ZNF736: variants seen among roughly 807,000 people sequenced by gnomAD.
ZNF736 encodes KRAB-containing zinc-finger repressor protein.
Under a neutral mutation model 11.7 loss-of-function variants are expected in ZNF736, and 6 were observed. The ratio of observed to expected loss-of-function variants is 0.51; its 90% CI spans 0.28 to 1.01. ZNF736 has a LOEUF of 1.01. Among genes scored for constraint, ZNF736 ranks in the 50% least tolerant of loss-of-function variants. The pLI is 0.09. For synonymous variants in ZNF736, 139 were observed against 164.7 expected, an observed-to-expected ratio of 0.84 and a Z score of 1.19; for missense variants, 444 against 496.0, an observed-to-expected ratio of 0.90 and a Z score of 1.00.
intron 1 of ZNF736, among the ~76,000 whole-genome samples, chr7:64,329,603 A>G (rs1217967779): frequency 2.0e-5 from 3 of 151,994 alleles, no homozygotes; most frequent in African/African-American, 7.3e-5. Context: ...CATTCTGCCA[A>G]ATAAATGGAA....
intron 1 of ZNF736, among the ~76,000 whole-genome samples, chr7:64,329,878 C>A (rs1436779764): frequency 3.9e-5 from 6 of 152,324 alleles, no homozygotes; most frequent in African/African-American, 4.8e-5. Flanking sequence ...AGCAAAATGC[C>A]TTTGGTAGCA....
intron 1 of ZNF736, among the ~76,000 whole-genome samples, chr7:64,314,870 G>A (rs1433931878): frequency 6.6e-6 from 1 of 152,168 alleles, no homozygotes; most frequent in Non-Finnish European, 1.5e-5. Flanking sequence ...CACCACCCTA[G>A]CCTAAATTGA....
intron 3 of ZNF736, among the ~76,000 whole-genome samples, chr7:64,343,159 C>T (rs1789361945): frequency 6.6e-6 from 1 of 152,160 alleles, no homozygotes; most frequent in Non-Finnish European, 1.5e-5. Context: ...CATGAAATCA[C>T]TCTAGTTGCC....
chr7:64,329,168 T>C (rs1464418573), intron 1 of ZNF736, among the ~76,000 whole-genome samples: 2 of 152,012 alleles, frequency 1.3e-5, no homozygotes, highest in African/African-American at 4.8e-5. Context: ...TCTTTTTTTT[T>C]TGTTATTTTG....
intron 1 of ZNF736, among the ~76,000 whole-genome samples, chr7:64,319,539 A>T: frequency 9.2e-6 from 1 of 109,002 alleles, no homozygotes; most frequent in Non-Finnish European, 1.7e-5. Flanking sequence ...TCTGTTGCCC[A>T]GACTGGAGTG....
chr7:64,344,359 T>A (rs1789380809), intron 3 of ZNF736, among the ~76,000 whole-genome samples: 1 of 152,216 alleles, frequency 6.6e-6, no homozygotes, highest in South Asian at 2.1e-4. Flanking sequence ...ATAGTTCAGC[T>A]TTGTTAAGTA....
At chr7:64,336,559 T>C (rs957883753) in intron 2 of ZNF736, among the ~76,000 whole-genome samples, 174 bp downstream of exon 2, 2 of 152,180 alleles carry the variant, frequency 1.3e-5, no homozygotes, top group African/African-American at 4.8e-5. Flanking sequence ...CATCTTAACA[T>C]TAATCTTTCC....
chr7:64,354,415 A>G lies in ZNF736; in HGVS notation c.*5268A>G, dbSNP rs1238687856. On this transcript the variant is annotated 3_prime_UTR_variant, in exon 4 of 4. Transcript: ENST00000423484. The stretch of plus-strand genomic sequence containing the variant: ...AAGAAAAATATTAGAATGAACAGAT[A>G]ATTTTACAAGTGTTGATCACTTACC... 4 of 152,326 alleles carry G rather than the reference A, an allele frequency of 2.6e-5. No individual in the cohort carries two copies. The highest frequency in any genetic ancestry group is 2.1e-4 in the South Asian group (1 of 4,828). The allele number at this position is 152,326 out of a possible 1,614,324, so 9.4% of individuals were successfully genotyped here.
chr7:64,314,286 G>C (rs1377390307), intron 1 of ZNF736, 133 bp downstream of exon 1: 4 of 1,171,572 alleles, frequency 3.4e-6, no homozygotes, highest in Non-Finnish European at 3.6e-6. Flanking sequence ...CGCGGGCACA[G>C]CTCAATCCTC....
rs1789467353 is a variant in ZNF736 at position 64,350,200 on chromosome 7, A to G, written c.*1053A>G. On this transcript the variant is annotated 3_prime_UTR_variant, in exon 4 of 4. Coordinates refer to ENST00000423484, the MANE Select transcript of ZNF736 (RefSeq NM_001170905.3). ...TCACTTTCAGGCAATCTCTTGCATCATAGATTTGGTTTCTTTACATAATCC... is the reference window on the plus strand; with the variant it reads ...TCACTTTCAGGCAATCTCTTGCATCGTAGATTTGGTTTCTTTACATAATCC... 1 of 152,112 alleles carries G rather than the reference A, an allele frequency of 6.6e-6. No individual in the cohort carries two copies. The highest frequency in any genetic ancestry group is 2.4e-5 in the African/African-American group (1 of 41,424). 9.4% of individuals were successfully genotyped at this position (152,112 alleles called of 1,614,324 possible). A position where few individuals can be genotyped will look rare whatever the true frequency, so the allele number is the denominator to read the frequency against.
chr7:64,322,454 G>A (rs1404609942), intron 1 of ZNF736, among the ~76,000 whole-genome samples: 1 of 152,034 alleles, frequency 6.6e-6, no homozygotes, highest in Non-Finnish European at 1.5e-5. Flanking sequence ...AATCATGTTT[G>A]ATAATGCTAT....
rs771793066 is a variant in ZNF736 at position 64,348,486 on chromosome 7, A to G, written c.623A>G (p.Lys208Arg). The G allele has an allele frequency of 3.2e-6, 5 of 1,557,468 alleles. No individual in the cohort carries two copies. Among genetic ancestry groups the G allele is most frequent in the Non-Finnish European group, 3.5e-6 (4 of 1,151,140 alleles). Residue 208 changes from lysine (K) to arginine (R), a missense_variant, in exon 4 of 4, where the codon AAA becomes AGA. Physicochemically the swap from Lys to Arg is conservative, Grantham distance 26. Coordinates refer to ENST00000423484, the MANE Select transcript of ZNF736 (RefSeq NM_001170905.3). ...TGCTACAAATGTGAAGAATGTGGCA[A>G]AGCGTTTAAAAAGTTTTCAAACCTT... The part of the protein sequence containing the change: ...ERCYKCEECG[K>R]AFKKFSNLTE...
chr7:64,344,029 A>AT (rs1197896422), intron 3 of ZNF736, among the ~76,000 whole-genome samples: 1 of 151,908 alleles, frequency 6.6e-6, no homozygotes, highest in Non-Finnish European at 1.5e-5. Context: ...AGGGCCGAGC[A>AT]TGGTGGCTCA....
At chr7:64,329,280 G>C (rs1030890456) in intron 1 of ZNF736, among the ~76,000 whole-genome samples, 18 of 152,026 alleles carry the variant, frequency 1.2e-4, no homozygotes, top group African/African-American at 4.3e-4. Context: ...ATGAGGTTGT[G>C]TTTTCCTGAA....
intron 3 of ZNF736, chr7:64,337,194 GTGTGTGTGT>G (rs3978650): frequency 3.7e-6 from 2 of 544,034 alleles, no homozygotes; most frequent in Non-Finnish European, 6.5e-6. Flanking sequence ...AGTAATGTGT[GTGTGTGTGT>G]TGTGTGTGTG....
chr7:64,336,499 G>GA, intron 2 of ZNF736, 114 bp downstream of exon 2: 1 of 1,124,200 alleles, frequency 8.9e-7, no homozygotes, highest in East Asian at 2.7e-5. Context: ...GCTTCAAAAA[G>GA]AAAAAATTGG....
At chr7:64,340,873 G>A (rs1281831679) in intron 3 of ZNF736, among the ~76,000 whole-genome samples, 8 of 151,922 alleles carry the variant, frequency 5.3e-5, no homozygotes, top group African/African-American at 1.9e-4. Flanking sequence ...TCATCACTTC[G>A]AAATTTAGGA....
intron 1 of ZNF736, among the ~76,000 whole-genome samples, chr7:64,315,391 A>C (rs1788902515): frequency 6.6e-6 from 1 of 151,768 alleles, no homozygotes; most frequent in Admixed American, 6.6e-5. Context: ...TTTAAGAGGT[A>C]TGAGGAAGCA....
At position 64,356,486 on chromosome 7, in the gene ZNF736, A is replaced by AT. The variant is rs1789555057; in HGVS notation, c.*7343dup. Among the ~76,000 whole-genome samples, 1 of 152,136 alleles carries AT rather than the reference A, an allele frequency of 6.6e-6. No individual in the cohort carries two copies. Among genetic ancestry groups the AT allele is most frequent in the African/African-American group, 2.4e-5 (1 of 41,456 alleles). On this transcript the variant is annotated 3_prime_UTR_variant, in exon 4 of 4. Transcript: ENST00000423484. Reference sequence around the variant, plus strand: ...TGCCTATTTTTAAAAAAATCTATCAATTTTGAATTGCATACCTAGCTAAAT... The same window carrying AT: ...TGCCTATTTTTAAAAAAATCTATCAATTTTTGAATTGCATACCTAGCTAAAT...
Sources: allele counts gnomAD v4.1 joint callset (sites outside exome capture counted in the v4.1 genomes callset), GRCh38; gene constraint gnomAD v4.1.1; transcripts MANE v1.5; gene names NCBI Gene and HGNC (gene_info 2026-07-23, HGNC 2026-07-21).